CADM2: variants seen among roughly 807,000 people sequenced by gnomAD.
CADM2 encodes cell adhesion molecule 2.
CADM2 carries 12 observed loss-of-function variants against 49.8 expected under a neutral mutation model. That is an observed-to-expected ratio of 0.24 (90% CI 0.15 to 0.39). CADM2 has a LOEUF of 0.39. Among genes scored for constraint, CADM2 ranks in the 10% least tolerant of loss-of-function variants. The pLI is 1.00. For missense variants in CADM2, 378 were observed against 492.3 expected (o/e 0.77, Z 2.20); for synonymous variants, 214 against 175.4 (o/e 1.22, Z -1.74).
At chr3:85,901,155 T>C (rs1340337454) in intron 5 of CADM2, among the ~76,000 whole-genome samples, 3 of 152,120 alleles carry the variant, frequency 2.0e-5, no homozygotes. Flanking sequence ...GATGGTGCCA[T>C]TGCACTGCAG....
chr3:85,300,708 T>A (rs76976712), intron 1 of CADM2, among the ~76,000 whole-genome samples: 7,270 of 152,134 alleles, frequency 0.048, 485 homozygotes, highest in African/African-American at 0.15. Context: ...CACGTTCATA[T>A]CTGTACAATA....
intron 1 of CADM2, among the ~76,000 whole-genome samples, chr3:85,315,766 ACTTT>A (rs762339471): frequency 5.6e-4 from 86 of 152,286 alleles, no homozygotes; most frequent in East Asian, 5.8e-4. Context: ...TTAATATCAG[ACTTT>A]CTTTCTTTGG....
intron 2 of CADM2, among the ~76,000 whole-genome samples, chr3:85,790,763 G>A (rs1436472862): frequency 6.6e-6 from 1 of 152,140 alleles, no homozygotes; most frequent in Non-Finnish European, 1.5e-5. Flanking sequence ...ACCTTTTCTG[G>A]CCTTGCAAGA....
chr3:85,352,424 C>T (rs944566026), intron 1 of CADM2, among the ~76,000 whole-genome samples: 6 of 151,950 alleles, frequency 3.9e-5, no homozygotes, highest in Non-Finnish European at 7.4e-5. Context: ...ATTCTGTTAT[C>T]GGTGAAAAAA....
intron 3 of CADM2, among the ~76,000 whole-genome samples, chr3:85,817,289 A>G (rs2073270417): frequency 6.6e-6 from 1 of 152,018 alleles, no homozygotes; most frequent in South Asian, 2.1e-4. Flanking sequence ...AGTTTTCCAT[A>G]TCACTCACTT....
chr3:85,845,616 A>G (rs532031588), intron 3 of CADM2, among the ~76,000 whole-genome samples: 3 of 152,266 alleles, frequency 2.0e-5, no homozygotes, highest in Admixed American at 2.0e-4. Context: ...TGGTAATCCC[A>G]GGCCAGAGTT....
At chr3:85,321,791 C>T (rs147043733) in intron 1 of CADM2, among the ~76,000 whole-genome samples, 2 of 152,184 alleles carry the variant, frequency 1.3e-5, no homozygotes, top group African/African-American at 4.8e-5. Flanking sequence ...GATTAATAGG[C>T]ACTAAATAAA....
chr3:85,430,661 G>T (rs893019864), intron 1 of CADM2, among the ~76,000 whole-genome samples: 1 of 143,092 alleles, frequency 7.0e-6, no homozygotes, highest in South Asian at 2.4e-4. Context: ...AACAGAAAGA[G>T]AAAGAGGAGA....
intron 1 of CADM2, among the ~76,000 whole-genome samples, chr3:85,082,117 C>T (rs999579977): frequency 6.6e-6 from 1 of 152,068 alleles, no homozygotes; most frequent in Admixed American, 6.6e-5. Context: ...TAGTAAATGA[C>T]AAATTCAGAT....
At chr3:85,727,188 G>A (rs560961530) in intron 2 of CADM2, among the ~76,000 whole-genome samples, 16 of 151,960 alleles carry the variant, frequency 1.1e-4, no homozygotes, top group Non-Finnish European at 2.2e-4. Context: ...TATCATTTAT[G>A]TATTTCAATT....
chr3:85,348,479 A>T lies in CADM2; in HGVS notation c.62-378043A>T, dbSNP rs569363458. Reference sequence around the variant, plus strand: ...GTAACCAACACATTTTATCACAAGAAAATTTATGTAAGCCTCTTGGGAAAT... The same window carrying T: ...GTAACCAACACATTTTATCACAAGATAATTTATGTAAGCCTCTTGGGAAAT... On this transcript the variant is annotated intron_variant, in intron 1 of 9. Transcript: ENST00000383699. Among the ~76,000 whole-genome samples, 6 of 152,358 alleles carry T rather than the reference A, an allele frequency of 3.9e-5. No homozygotes were observed. In the East Asian group the frequency reaches 7.7e-4, roughly 20 times the overall value.
At chr3:85,818,661 T>C (rs946233715) in intron 3 of CADM2, among the ~76,000 whole-genome samples, 5 of 152,172 alleles carry the variant, frequency 3.3e-5, no homozygotes, top group Non-Finnish European at 7.3e-5. Context: ...TCTTTTATCT[T>C]AGCACATTCA....
chr3:85,335,100 G>A (rs1313678886), intron 1 of CADM2, among the ~76,000 whole-genome samples: 2 of 151,142 alleles, frequency 1.3e-5, no homozygotes, highest in South Asian at 2.1e-4. Context: ...AAACATGTTC[G>A]GTCTTCATGA....
chr3:85,802,025 A>C lies in CADM2; in HGVS notation c.89-22A>C, dbSNP rs201769601. On this transcript the variant is annotated intron_variant, in intron 2 of 9. Transcript: ENST00000383699. Reference sequence around the variant, plus strand: ...ATTTTATGACTTTCATTTAATCAACATTTTCTTTAATCCCCTTTTAGGCAG... The same window carrying C: ...ATTTTATGACTTTCATTTAATCAACCTTTTCTTTAATCCCCTTTTAGGCAG... 1.4e-4 allele frequency: 223 copies of C among 1,582,454 alleles called. No individual in the cohort carries two copies. In the African/African-American group the frequency reaches 2.6e-3, roughly 18 times the overall value.
chr3:85,314,109 C>T (rs1257436649), intron 1 of CADM2, among the ~76,000 whole-genome samples: 4 of 152,068 alleles, frequency 2.6e-5, no homozygotes, highest in Non-Finnish European at 4.4e-5. Flanking sequence ...AGGATGGTCT[C>T]GATCTCCCGA....
intron 2 of CADM2, among the ~76,000 whole-genome samples, chr3:85,786,260 C>CA (rs1026587173): frequency 1.3e-4 from 20 of 151,772 alleles, no homozygotes; most frequent in South Asian, 2.1e-4. Context: ...GTAGTAATCC[C>CA]AAAAAAGGAT....
chr3:86,019,758 T>A lies in CADM2; in HGVS notation c.971-45847T>A, dbSNP rs578173539. Among the ~76,000 whole-genome samples, 63 of 152,250 alleles carry A rather than the reference T, an allele frequency of 4.1e-4. 1 individual carries two copies. The highest frequency in any genetic ancestry group is 1.4e-3 in the African/African-American group (60 of 41,526). On this transcript the variant is annotated intron_variant, in intron 8 of 9. Transcript: ENST00000383699. ...CCTGAGATTTTGCTGAAGTTGCTTA[T>A]CAGCTTAAGGAGATTTTGGGCTGAG... is the stretch of plus-strand genomic sequence containing the variant.
chr3:85,665,948 A>T (rs1473812742), intron 1 of CADM2, among the ~76,000 whole-genome samples: 4 of 152,000 alleles, frequency 2.6e-5, no homozygotes, highest in African/African-American at 4.8e-5. Context: ...AAGAAGTCAA[A>T]TTGTCTCTAT....
At chr3:84,962,902 A>G (rs371650793) in intron 1 of CADM2, among the ~76,000 whole-genome samples, 452 of 152,276 alleles carry the variant, frequency 3.0e-3, no homozygotes, top group African/African-American at 9.6e-3. Flanking sequence ...TTTTCTGGGA[A>G]GCAAAATCAA....
Sources: allele counts gnomAD v4.1 joint callset (sites outside exome capture counted in the v4.1 genomes callset), GRCh38; gene constraint gnomAD v4.1.1; transcripts MANE v1.5; gene names NCBI Gene and HGNC (gene_info 2026-07-23, HGNC 2026-07-21).